The following ZC3H12B variants were observed in gnomAD, a reference collection of about 807,000 sequenced individuals.
ZC3H12B encodes zinc finger CCCH-type containing 12B.
A neutral mutation model predicts 43.9 loss-of-function variants in ZC3H12B; 7 were observed. The observed-to-expected ratio is 0.16, with a 90% CI of 0.09 to 0.30. The LOEUF (loss-of-function observed/expected upper bound fraction) is 0.30. Ranked by LOEUF, ZC3H12B falls within the 10% of genes least tolerant of loss-of-function variation. The probability of loss-of-function intolerance (pLI) is 1.00; values close to 1 mark genes in which losing one functional copy is unlikely to be tolerated. For synonymous variants in ZC3H12B, 222 were observed against 241.7 expected (o/e 0.92, Z 0.76); for missense variants, 475 against 670.2 (o/e 0.71, Z 3.22).
the ZC3H12B span, among the ~76,000 whole-genome samples, chrX:65,217,990 A>T: frequency 1.8e-5 from 2 of 112,249 alleles, no homozygotes; most frequent in African/African-American, 3.2e-5. Flanking sequence ...AATAAGACTA[A>T]CTCAAGACTA....
At chrX:65,069,228 T>C in the ZC3H12B span, among the ~76,000 whole-genome samples, 1 of 107,308 alleles carries the variant, frequency 9.3e-6, no homozygotes, top group Non-Finnish European at 1.9e-5. Flanking sequence ...TGCTGTCTTT[T>C]TTTCTACCTC....
chrX:65,149,815 T>A, the ZC3H12B span, among the ~76,000 whole-genome samples: 2 of 93,044 alleles, frequency 2.1e-5, no homozygotes, highest in Admixed American at 2.4e-4. Context: ...ATAATAATAA[T>A]AAATAAAAGT....
the ZC3H12B span, among the ~76,000 whole-genome samples, chrX:65,093,896 G>T: frequency 1.2e-3 from 129 of 110,977 alleles, no homozygotes; most frequent in African/African-American, 4.1e-3. Context: ...AGGTGATTTG[G>T]GAGGGGCCTG....
At chrX:65,241,801 G>A in the ZC3H12B span, among the ~76,000 whole-genome samples, 1 of 111,646 alleles carries the variant, frequency 9.0e-6, no homozygotes, top group Non-Finnish European at 1.9e-5. Flanking sequence ...CCATGGAGGT[G>A]GGGCCTACAA....
chrX:65,456,596 G>T (rs1176070185), intron 3 of ZC3H12B, among the ~76,000 whole-genome samples: 1 of 105,652 alleles, frequency 9.5e-6, no homozygotes, highest in African/African-American at 3.5e-5. Flanking sequence ...GCGCCGCCAC[G>T]CCTGACTGGT....
the ZC3H12B span, among the ~76,000 whole-genome samples, chrX:65,243,390 A>T: frequency 1.8e-5 from 2 of 112,186 alleles, no homozygotes; most frequent in East Asian, 5.5e-4. Flanking sequence ...TTTATCACAG[A>T]AATGCAAATG....
the ZC3H12B span, among the ~76,000 whole-genome samples, chrX:65,189,799 T>A: frequency 9.0e-6 from 1 of 111,349 alleles, no homozygotes; most frequent in African/African-American, 3.3e-5. Context: ...CTCTTTTGTT[T>A]AATTAGATCC....
chrX:65,063,780 C>T, the ZC3H12B span, among the ~76,000 whole-genome samples: 1 of 111,868 alleles, frequency 8.9e-6, no homozygotes, highest in Non-Finnish European at 1.9e-5. Flanking sequence ...GTGAATCCCT[C>T]TGGAGCTTGG....
chrX:65,069,629 T>G, the ZC3H12B span, among the ~76,000 whole-genome samples: 4 of 111,919 alleles, frequency 3.6e-5, no homozygotes, highest in Non-Finnish European at 7.5e-5. Flanking sequence ...GCCTGTGTCC[T>G]CCTACTTTAT....
At chrX:65,451,060 G>T (rs1019193835) in intron 3 of ZC3H12B, among the ~76,000 whole-genome samples, 8 of 107,945 alleles carry the variant, frequency 7.4e-5, no homozygotes, top group Non-Finnish European at 1.1e-4. Context: ...CGATTCTTCT[G>T]CCTCAGCCTC....
At chrX:65,109,293 G>A in the ZC3H12B span, among the ~76,000 whole-genome samples, 1 of 111,368 alleles carries the variant, frequency 9.0e-6, no homozygotes, top group Non-Finnish European at 1.9e-5. Flanking sequence ...TACAATTCAT[G>A]TTAGAACATT....
the ZC3H12B span, among the ~76,000 whole-genome samples, chrX:65,129,239 ATGTATGTGTG>A: frequency 9.7e-6 from 1 of 103,056 alleles, no homozygotes; most frequent in African/African-American, 3.9e-5. Flanking sequence ...TCTATTATAT[ATGTATGTGTG>A]TATATATGTA....
At chrX:65,277,503 A>G in the ZC3H12B span, among the ~76,000 whole-genome samples, 1 of 112,031 alleles carries the variant, frequency 8.9e-6, no homozygotes, top group East Asian at 2.8e-4. Flanking sequence ...AAAAATCAAA[A>G]TCATGTCAAA....
At chrX:65,401,879 C>T (rs1452845572) in intron 3 of ZC3H12B, among the ~76,000 whole-genome samples, 1 of 111,990 alleles carries the variant, frequency 8.9e-6, no homozygotes, top group Non-Finnish European at 1.9e-5. Flanking sequence ...CCAGTCTTGG[C>T]AGCATTTATC....
intron 2 of ZC3H12B, among the ~76,000 whole-genome samples, chrX:65,387,246 A>C (rs1169157329): frequency 9.0e-6 from 1 of 111,570 alleles, no homozygotes; most frequent in African/African-American, 3.3e-5. Context: ...GTGGGGTGTT[A>C]AAGTCTCCCA....
chrX:65,412,459 T>C (rs2066914976), intron 3 of ZC3H12B, among the ~76,000 whole-genome samples: 1 of 111,313 alleles, frequency 9.0e-6, no homozygotes, highest in African/African-American at 3.3e-5. Context: ...TGAGTACATA[T>C]TTTCAAGTTT....
the ZC3H12B span, among the ~76,000 whole-genome samples, chrX:65,212,560 A>G: frequency 5.1e-5 from 4 of 78,116 alleles, no homozygotes; most frequent in Non-Finnish European, 9.0e-5. Flanking sequence ...ATTATATTAT[A>G]TGTTATATAT....
chrX:65,238,054 A>T, the ZC3H12B span, among the ~76,000 whole-genome samples: 1 of 111,443 alleles, frequency 9.0e-6, no homozygotes, highest in African/African-American at 3.3e-5. Flanking sequence ...TGATATCAGG[A>T]TGATGTTAGC....
chrX:65,327,260 C>T, the ZC3H12B span, among the ~76,000 whole-genome samples: 1 of 110,886 alleles, frequency 9.0e-6, no homozygotes, highest in Non-Finnish European at 1.9e-5. Flanking sequence ...TAGATATATA[C>T]AAATATACAT....
Sources: gnomAD v4.1 joint callset for allele counts (sites outside exome capture counted in the v4.1 genomes callset) on GRCh38, gnomAD v4.1.1 for gene constraint, MANE v1.5 for transcripts, NCBI Gene and HGNC (gene_info 2026-07-23, HGNC 2026-07-21) for gene names.